CD55: variants seen among roughly 807,000 people sequenced by gnomAD.
The protein encoded by CD55 is CD55 molecule (Cromer blood group).
In CD55, 41 loss-of-function variants were observed where a neutral mutation model predicts 45.8. That is an observed-to-expected ratio of 0.90 (90% CI 0.70 to 1.16). CD55 has a LOEUF of 1.16. CD55 is among the 50% of genes most tolerant of loss of function. CD55 has a pLI of 0.00. For missense variants in CD55, 416 were observed against 469.8 expected (o/e 0.89, Z 1.06); for synonymous variants, 181 against 181.1 (o/e 1.00, Z 0.01).
intron 8 of CD55, among the ~76,000 whole-genome samples, chr1:207,339,002 A>G (rs894748893): frequency 2.6e-5 from 4 of 152,176 alleles, no homozygotes; most frequent in Non-Finnish European, 2.9e-5. Flanking sequence ...GAGTTTTGAT[A>G]TAGTCTGCTA....
At chr1:207,322,283 C>G (rs937914611) in intron 1 of CD55, 99 bp from the exon 2 acceptor site, 2 of 980,152 alleles carry the variant, frequency 2.0e-6, no homozygotes, top group Non-Finnish European at 3.3e-6. Flanking sequence ...CATGTCATCT[C>G]TTTCAGGTGT....
chr1:207,324,510 C>CA, intron 2 of CD55, 49 bp from the exon 3 acceptor site: 1 of 1,350,716 alleles, frequency 7.4e-7, no homozygotes, highest in Non-Finnish European at 1.0e-6. Context: ...GATTATAAAA[C>CA]AAAAATTGAT....
At chr1:207,358,401 T>A (rs1397876795) in intron 9 of CD55, 2 of 152,198 alleles carry the variant, frequency 1.3e-5, no homozygotes, top group Non-Finnish European at 2.9e-5. Context: ...GTTAGGTCTG[T>A]ATGATAAATT....
At position 207,327,909 on chromosome 1, in the gene CD55, T is replaced by C. The variant is rs185504300; in HGVS notation, c.664+1072T>C. ...TTGTTTTTAAATTTTTCATCATTGC[T>C]ACCCAGTAGCACCTTTCCCATTTTC... On this transcript the variant is annotated intron_variant, in intron 5 of 9. Coordinates refer to ENST00000367064, the MANE Select transcript of CD55 (RefSeq NM_000574.5). Among the ~76,000 whole-genome samples the C allele has an allele frequency of 1.8e-3, 278 of 152,328 alleles. 2 individuals are homozygous for C. Among genetic ancestry groups the C allele is most frequent in the African/African-American group, 6.3e-3 (263 of 41,576 alleles).
In CD55 at chr1:207,348,787, T is replaced by C. The variant is rs117814421; in HGVS notation, c.1081+9370T>C. ...GGGTCCATTTTCAATCTTCTGCATATGGCTAGCCAGTTATAGCATTTATTG... is the reference window on the plus strand; with the variant it reads ...GGGTCCATTTTCAATCTTCTGCATACGGCTAGCCAGTTATAGCATTTATTG... On this transcript the variant is annotated intron_variant, in intron 9 of 9. Coordinates refer to ENST00000367064, the MANE Select transcript of CD55 (RefSeq NM_000574.5). Among the ~76,000 whole-genome samples, 575 of 152,318 alleles carry C rather than the reference T, an allele frequency of 3.8e-3. 4 individuals are homozygous for C. Among genetic ancestry groups the C allele is most frequent in the East Asian group, 0.029 (152 of 5,186 alleles).
chr1:207,340,621 C>A, intron 9 of CD55: 1 of 675,206 alleles, frequency 1.5e-6, no homozygotes, highest in Non-Finnish European at 2.7e-6. Context: ...ATTTTTCCGG[C>A]CTCCCAAAAC....
chr1:207,357,509 A>G lies in CD55; in HGVS notation c.1082-2037A>G, dbSNP rs1026615534. Reference sequence around the variant, plus strand: ...AGTATCAATGTATAGAGTATTATCAATTTACCAAAGCTACTGCTTTGAGAC... The same window carrying G: ...AGTATCAATGTATAGAGTATTATCAGTTTACCAAAGCTACTGCTTTGAGAC... On this transcript the variant is annotated intron_variant, in intron 9 of 9. Coordinates refer to ENST00000367064, the MANE Select transcript of CD55 (RefSeq NM_000574.5). Among the ~76,000 whole-genome samples the G allele has an allele frequency of 3.8e-5, 5 of 132,414 alleles. No homozygotes were observed. The East Asian group carries it at 7.1e-4, about 19-fold the overall frequency. 86.9% of individuals were successfully genotyped at this position (132,414 alleles called of 152,430 possible). A position where few individuals can be genotyped will look rare whatever the true frequency, so the allele number is the denominator to read the frequency against.
chr1:207,322,120 A>C, intron 1 of CD55: 4 of 637,602 alleles, frequency 6.3e-6, no homozygotes, highest in Non-Finnish European at 8.6e-6. Context: ...TTTGCGGAGC[A>C]GCCAAGCCTG....
At chr1:207,339,560 T>C in intron 9 of CD55, 143 bp downstream of exon 9, 1 of 649,620 alleles carries the variant, frequency 1.5e-6, no homozygotes, top group South Asian at 2.2e-5. Flanking sequence ...TATGGAAAAC[T>C]TTAAACGTCA....
intron 2 of CD55, 74 bp downstream of exon 2, chr1:207,322,641 G>A: frequency 8.0e-7 from 1 of 1,257,184 alleles, no homozygotes; most frequent in African/African-American, 1.5e-5. Flanking sequence ...TACCTTTGGA[G>A]TGACTAGTAA....
At chr1:207,335,844 T>C (rs1197116107) in intron 6 of CD55, among the ~76,000 whole-genome samples, 1 of 152,182 alleles carries the variant, frequency 6.6e-6, no homozygotes, top group Non-Finnish European at 1.5e-5. Context: ...GTGAAATAGC[T>C]TACTCAATTA....
At chr1:207,333,984 A>G (rs1446454834) in intron 6 of CD55, among the ~76,000 whole-genome samples, 3 of 152,136 alleles carry the variant, frequency 2.0e-5, no homozygotes, top group African/African-American at 7.2e-5. Context: ...GAGCAGAAGA[A>G]ATATTTAAAA....
At chr1:207,326,276 T>G (rs1203006758) in intron 4 of CD55, among the ~76,000 whole-genome samples, 1 of 152,246 alleles carries the variant, frequency 6.6e-6, no homozygotes, top group Non-Finnish European at 1.5e-5. Context: ...TAAATAATTC[T>G]ATTTTACTCT....
intron 2 of CD55, among the ~76,000 whole-genome samples, chr1:207,324,228 G>A (rs1157539947): frequency 6.6e-6 from 1 of 152,062 alleles, no homozygotes; most frequent in Non-Finnish European, 1.5e-5. Context: ...GTATGGTGCT[G>A]TGTAGTTCTT....
intron 7 of CD55, 154 bp from the exon 8 acceptor site, chr1:207,337,172 TCTG>T: frequency 1.6e-6 from 1 of 622,096 alleles, no homozygotes; most frequent in Non-Finnish European, 2.9e-6. Context: ...GACAAATGCT[TCTG>T]CTACACAGGC....
At chr1:207,359,317 C>T (rs965507622) in intron 9 of CD55, among the ~76,000 whole-genome samples, 2 of 151,950 alleles carry the variant, frequency 1.3e-5, no homozygotes, top group South Asian at 2.1e-4. Context: ...CTGTTCAACT[C>T]GAGAAACTAA....
At chr1:207,356,832 T>C (rs1465718745) in intron 9 of CD55, among the ~76,000 whole-genome samples, 1 of 152,224 alleles carries the variant, frequency 6.6e-6, no homozygotes, top group Non-Finnish European at 1.5e-5. Flanking sequence ...AATGTCACGA[T>C]TGGCTCTGAT....
chr1:207,337,599 AT>A (rs1345856887), intron 8 of CD55, 190 bp downstream of exon 8: 5 of 425,474 alleles, frequency 1.2e-5, no homozygotes, highest in Non-Finnish European at 2.1e-5. Context: ...AAAAAGAAAC[AT>A]TTACAATAAT....
intron 9 of CD55, among the ~76,000 whole-genome samples, chr1:207,352,960 T>G (rs543889943): frequency 1.7e-4 from 26 of 151,888 alleles, no homozygotes; most frequent in Admixed American, 5.2e-4. Flanking sequence ...ATAACTGTGG[T>G]TTTGCAAAAT....
Sources: allele counts gnomAD v4.1 joint callset (sites outside exome capture counted in the v4.1 genomes callset), GRCh38; gene constraint gnomAD v4.1.1; transcripts MANE v1.5; gene names NCBI Gene and HGNC (gene_info 2026-07-23, HGNC 2026-07-21).